TEKTL1: variants seen among roughly 807,000 people sequenced by gnomAD.
TEKTL1 encodes the protein tektin like 1.
chr19:15,021,899 G>C, the TEKTL1 span: 2 of 1,613,802 alleles, frequency 1.2e-6, no homozygotes, highest in South Asian at 2.2e-5. Context: ...CCAACTCCCG[G>C]AGGCTGCGCG....
the TEKTL1 span, among the ~76,000 whole-genome samples, chr19:15,014,919 C>T: frequency 6.6e-6 from 1 of 152,198 alleles, no homozygotes; most frequent in Non-Finnish European, 1.5e-5. Flanking sequence ...GGAAATGGAT[C>T]ATGCCCATAA....
At chr19:15,019,674 G>A in the TEKTL1 span, among the ~76,000 whole-genome samples, 1 of 151,938 alleles carries the variant, frequency 6.6e-6, no homozygotes, top group Non-Finnish European at 1.5e-5. Context: ...CTGGAACATT[G>A]GGGAAATAAG....
the TEKTL1 span, chr19:15,021,472 G>A: frequency 6.2e-7 from 1 of 1,614,232 alleles, no homozygotes; most frequent in Non-Finnish European, 8.5e-7. Context: ...AAGCGACCGT[G>A]TGTGTGCCTC....
the TEKTL1 span, chr19:15,021,968 AG>A: frequency 7.0e-7 from 1 of 1,431,330 alleles, no homozygotes; most frequent in Non-Finnish European, 9.8e-7. Context: ...GCCAATGGTA[AG>A]GCTCCTTCCT....
chr19:15,013,115 C>T, the TEKTL1 span, among the ~76,000 whole-genome samples: 1 of 152,064 alleles, frequency 6.6e-6, no homozygotes, highest in Non-Finnish European at 1.5e-5. Context: ...TAGTACCAGT[C>T]CTGGTGAAAT....
the TEKTL1 span, chr19:15,021,365 C>A: frequency 1.2e-6 from 2 of 1,614,132 alleles, no homozygotes; most frequent in Non-Finnish European, 1.7e-6. Flanking sequence ...TGCGCCTTGG[C>A]GCTAAACGAA....
the TEKTL1 span, among the ~76,000 whole-genome samples, chr19:15,017,476 G>A: frequency 3.3e-5 from 5 of 152,106 alleles, no homozygotes; most frequent in Admixed American, 6.6e-5. Flanking sequence ...GTAAGATTTC[G>A]ATGGCGGGAT....
At chr19:15,019,962 C>A in the TEKTL1 span, among the ~76,000 whole-genome samples, 39 of 138,946 alleles carry the variant, frequency 2.8e-4, no homozygotes, top group South Asian at 6.4e-4. Flanking sequence ...TGTCTCAAAA[C>A]AAAAAAAAAT....
At chr19:15,020,890 T>G in the TEKTL1 span, among the ~76,000 whole-genome samples, 2 of 151,496 alleles carry the variant, frequency 1.3e-5, no homozygotes, top group African/African-American at 4.9e-5. Context: ...TTTTTTTTTT[T>G]TTCCTTTGAG....
chr19:15,013,200 G>A, the TEKTL1 span, among the ~76,000 whole-genome samples: 5 of 152,066 alleles, frequency 3.3e-5, no homozygotes, highest in Non-Finnish European at 7.4e-5. Flanking sequence ...GGAGAGATGA[G>A]ACCCCACCCA....
At chr19:15,021,100 C>T in the TEKTL1 span, among the ~76,000 whole-genome samples, 2,137 of 151,952 alleles carry the variant, frequency 0.014, 72 homozygotes, top group East Asian at 0.13. Flanking sequence ...AGGCTGGTCT[C>T]GAACTCCTGA....
the TEKTL1 span, chr19:15,020,689 G>C: frequency 1.3e-6 from 2 of 1,570,056 alleles, no homozygotes; most frequent in Non-Finnish European, 1.7e-6. Context: ...GGTCGTATTG[G>C]TGCCCACCCA....
At chr19:15,011,153 C>T in the TEKTL1 span, 1 of 1,528,218 alleles carries the variant, frequency 6.5e-7, no homozygotes. Flanking sequence ...CGCCCGCCTG[C>T]CGCTACCCTT....
the TEKTL1 span, among the ~76,000 whole-genome samples, chr19:15,015,339 T>C: frequency 1.3e-5 from 2 of 152,168 alleles, no homozygotes; most frequent in African/African-American, 2.4e-5. Context: ...AAACCTCAAA[T>C]TGGCACTCAA....
chr19:15,021,264 G>A, the TEKTL1 span: 10 of 1,523,436 alleles, frequency 6.6e-6, no homozygotes, highest in South Asian at 1.1e-4. Context: ...CCTCGCCCAG[G>A]GCCCACCACC....
chr19:15,020,528 T>C, the TEKTL1 span: 3,080 of 1,613,956 alleles, frequency 1.9e-3, 62 homozygotes, highest in African/African-American at 0.037. Flanking sequence ...GTGGACCTCA[T>C]GAACCAGCCT....
At chr19:15,014,738 C>CGGGGGGGGGGGGGGGGGGGGG in the TEKTL1 span, among the ~76,000 whole-genome samples, 1 of 29,804 alleles carries the variant, frequency 3.4e-5, no homozygotes, top group African/African-American at 1.3e-4. Flanking sequence ...GGGCGGGGGG[C>CGGGGGGGGGGGGGGGGGGGGG]GGGGGCTGCT....
At chr19:15,014,515 ATTG>A in the TEKTL1 span, among the ~76,000 whole-genome samples, 5 of 151,914 alleles carry the variant, frequency 3.3e-5, no homozygotes, top group African/African-American at 1.2e-4. Flanking sequence ...GAAGTCTTTT[ATTG>A]TTGTTGAACT....
chr19:15,020,679 G>A, the TEKTL1 span: 8 of 1,590,708 alleles, frequency 5.0e-6, no homozygotes, highest in Non-Finnish European at 5.1e-6. Flanking sequence ...CACTGTACTG[G>A]GTCGTATTGG....
Sources: allele counts gnomAD v4.1 joint callset (sites outside exome capture counted in the v4.1 genomes callset), GRCh38; gene constraint gnomAD v4.1.1; transcripts MANE v1.5; gene names NCBI Gene and HGNC (gene_info 2026-07-23, HGNC 2026-07-21).